The following SEC22A variants were observed in gnomAD, a reference collection of about 807,000 sequenced individuals.
SEC22A encodes the protein vesicle-trafficking protein SEC22a.
In SEC22A, 22 loss-of-function variants were observed where a neutral mutation model predicts 35.3. That is an observed-to-expected ratio of 0.62 (90% CI 0.45 to 0.89). The LOEUF is 0.89. Among genes scored for constraint, SEC22A ranks in the 40% least tolerant of loss-of-function variants. The pLI, the probability that SEC22A is intolerant of heterozygous loss-of-function variation, is 0.00. For synonymous variants in SEC22A, 119 were observed against 129.5 expected (o/e 0.92, Z 0.55); for missense variants, 354 against 362.5 (o/e 0.98, Z 0.19).
intron 2 of SEC22A, among the ~76,000 whole-genome samples, chr3:123,217,373 G>T (rs1384719895): frequency 2.0e-5 from 3 of 147,132 alleles, no homozygotes; most frequent in African/African-American, 5.0e-5. Context: ...AATTTTTTTT[G>T]TATTTTTTTA....
Position 123,271,652 on chromosome 3 carries a change from T to G in SEC22A, c.854T>G (p.Val285Gly), listed in dbSNP as rs749674297. The G allele has an allele frequency of 3.7e-6, 6 of 1,614,218 alleles. No individual in the cohort carries two copies. The highest frequency in any genetic ancestry group is 5.1e-6 in the Non-Finnish European group (6 of 1,180,032). Residue 285 changes from valine to glycine, a missense_variant, in exon 7 of 7, where the codon GTG becomes GGG. Val to Gly is a moderately radical substitution (Grantham distance 109). Transcript: ENST00000492595. Reference protein sequence around the residue: ...NLWQLFFHVTVGAFVTLQIWL... With the variant: ...NLWQLFFHVTGGAFVTLQIWL... ...TGGCAGCTTTTCTTTCATGTGACTG[T>G]GGGAGCATTTGTTACACTACAGATC...
At chr3:123,269,215 G>GTGTGTATA (rs10642998) in intron 6 of SEC22A, among the ~76,000 whole-genome samples, 1,760 of 136,836 alleles carry the variant, frequency 0.013, 24 homozygotes, top group East Asian at 0.042. Context: ...GTGTGTGTGT[G>GTGTGTATA]TATATATTAC....
At chr3:123,213,894 G>A (rs1936980566) in intron 2 of SEC22A, among the ~76,000 whole-genome samples, 1 of 152,204 alleles carries the variant, frequency 6.6e-6, no homozygotes, top group South Asian at 2.1e-4. Flanking sequence ...TTAAAATTGA[G>A]ATAATTAGGC....
intron 4 of SEC22A, among the ~76,000 whole-genome samples, chr3:123,227,594 T>C (rs1044679355): frequency 6.6e-6 from 1 of 152,076 alleles, no homozygotes; most frequent in Non-Finnish European, 1.5e-5. Context: ...ATCTCAGAAC[T>C]TAAAGTATAA....
intron 2 of SEC22A, among the ~76,000 whole-genome samples, chr3:123,213,518 T>A (rs758887505): frequency 3.3e-5 from 5 of 152,198 alleles, no homozygotes; most frequent in Non-Finnish European, 5.9e-5. Context: ...CATTACTATT[T>A]TATGTCTCTA....
intron 6 of SEC22A, among the ~76,000 whole-genome samples, chr3:123,260,838 TC>T (rs1279692420): frequency 2.9e-4 from 36 of 126,290 alleles, no homozygotes; most frequent in African/African-American, 1.0e-3. Context: ...ATTTTCTTTT[TC>T]TTTTTTTTTT....
chr3:123,231,845 T>C (rs1239262797), intron 4 of SEC22A, among the ~76,000 whole-genome samples: 1 of 152,036 alleles, frequency 6.6e-6, no homozygotes, highest in East Asian at 1.9e-4. Flanking sequence ...AAATAGAGGA[T>C]AGGAAAACAG....
chr3:123,224,625 G>C (rs1440124052), intron 3 of SEC22A, among the ~76,000 whole-genome samples: 1 of 152,058 alleles, frequency 6.6e-6, no homozygotes, highest in East Asian at 1.9e-4. Context: ...GACCCTGTCT[G>C]TACAAAAATA....
intron 2 of SEC22A, among the ~76,000 whole-genome samples, chr3:123,219,026 A>T (rs1937079675): frequency 6.6e-6 from 1 of 152,244 alleles, no homozygotes. Context: ...GATATACTGT[A>T]GGAGTGGGAT....
intron 4 of SEC22A, among the ~76,000 whole-genome samples, chr3:123,232,814 C>T (rs191462048): frequency 6.6e-6 from 1 of 152,252 alleles, no homozygotes; most frequent in African/African-American, 2.4e-5. Context: ...CAGCAAAATA[C>T]AAGCAAACCC....
At chr3:123,208,995 A>G (rs979595288) in intron 1 of SEC22A, 3 of 419,948 alleles carry the variant, frequency 7.1e-6, no homozygotes, top group African/African-American at 2.0e-5. Context: ...GGGTTTCATC[A>G]TGTTGGCCAG....
chr3:123,246,142 T>C (rs1326374441), intron 5 of SEC22A, 128 bp downstream of exon 5: 6 of 584,794 alleles, frequency 1.0e-5, no homozygotes, highest in Non-Finnish European at 1.8e-5. Context: ...TTTTTTTATA[T>C]CTGCTTTAGC....
intron 2 of SEC22A, among the ~76,000 whole-genome samples, chr3:123,216,581 G>A (rs918646102): frequency 6.6e-6 from 1 of 152,070 alleles, no homozygotes; most frequent in Admixed American, 6.6e-5. Context: ...ATGATGTGGC[G>A]CTTCACCATT....
chr3:123,266,424 TA>T (rs2108108399), intron 6 of SEC22A, among the ~76,000 whole-genome samples: 1 of 152,292 alleles, frequency 6.6e-6, no homozygotes, highest in African/African-American at 2.4e-5. Flanking sequence ...CACTAACTCC[TA>T]AAGATTTCCG....
chr3:123,230,473 ATT>A (rs1937301147), intron 4 of SEC22A, among the ~76,000 whole-genome samples: 1 of 152,090 alleles, frequency 6.6e-6, no homozygotes, highest in Non-Finnish European at 1.5e-5. Flanking sequence ...ATAACAATGC[ATT>A]ATGGAGTTTG....
At chr3:123,245,765 G>T in intron 4 of SEC22A, 134 bp from the exon 5 acceptor site, 1 of 594,434 alleles carries the variant, frequency 1.7e-6, no homozygotes, top group Non-Finnish European at 3.0e-6. Context: ...ATTTAATTGT[G>T]AATATATGGT....
chr3:123,227,423 A>G (rs1937234018), intron 4 of SEC22A, among the ~76,000 whole-genome samples: 1 of 149,602 alleles, frequency 6.7e-6, no homozygotes, highest in Non-Finnish European at 1.5e-5. Flanking sequence ...ACATGGACAC[A>G]GGGAGGGGAA....
At chr3:123,265,129 C>T (rs569995934) in intron 6 of SEC22A, among the ~76,000 whole-genome samples, 7 of 152,038 alleles carry the variant, frequency 4.6e-5, no homozygotes, top group African/African-American at 9.7e-5. Flanking sequence ...CTTTTCATTC[C>T]GTAAAGAATA....
rs548733576 is a variant in SEC22A, at chr3:123,210,857, A to G, written c.182+1458A>G. Among the ~76,000 whole-genome samples the G allele has an allele frequency of 3.3e-5, 5 of 152,344 alleles. No homozygotes were observed. In the South Asian group the frequency reaches 8.3e-4, roughly 25 times the overall value. ...AGTTGGCTAAGGCAGGGAGGAGGGC[A>G]TTCCAGGTGTACGGAGGAGAGGCAG... On this transcript the variant is annotated intron_variant, in intron 2 of 6. Transcript: ENST00000492595.
Sources: allele counts gnomAD v4.1 joint callset (sites outside exome capture counted in the v4.1 genomes callset), GRCh38; gene constraint gnomAD v4.1.1; transcripts MANE v1.5; gene names NCBI Gene and HGNC (gene_info 2026-07-23, HGNC 2026-07-21).